The following LDLRAD4 variants were observed in gnomAD, a reference collection of about 807,000 sequenced individuals.
LDLRAD4 encodes the protein low density lipoprotein receptor class A domain containing 4, also known as low-density lipoprotein receptor class A domain-containing protein 4.
LDLRAD4 carries 5 observed loss-of-function variants against 17.0 expected under a neutral mutation model. That is an observed-to-expected ratio of 0.29 (90% CI 0.15 to 0.62). LDLRAD4 has a LOEUF of 0.62. Among genes scored for constraint, LDLRAD4 ranks in the 20% least tolerant of loss-of-function variants. The pLI is 0.84. For missense variants in LDLRAD4, 340 were observed against 424.7 expected, an observed-to-expected ratio of 0.80 and a Z score of 1.75; for synonymous variants, 168 against 171.8, an observed-to-expected ratio of 0.98 and a Z score of 0.17.
chr18:13,318,580 C>G (rs1156461163), intron 1 of LDLRAD4, among the ~76,000 whole-genome samples: 1 of 152,184 alleles, frequency 6.6e-6, no homozygotes, highest in South Asian at 2.1e-4. Context: ...AATAAATGCC[C>G]ATCCATAAGA....
intron 2 of LDLRAD4, among the ~76,000 whole-genome samples, chr18:13,422,222 C>T (rs956098432): frequency 1.6e-4 from 24 of 152,158 alleles, no homozygotes; most frequent in African/African-American, 5.8e-4. Context: ...TGGGCTTACA[C>T]TGTGGGAGGT....
At chr18:13,529,848 A>C (rs1287755228) in intron 3 of LDLRAD4, among the ~76,000 whole-genome samples, 1 of 152,182 alleles carries the variant, frequency 6.6e-6, no homozygotes, top group Non-Finnish European at 1.5e-5. Flanking sequence ...ACTGCTTTAG[A>C]GACTTCCATG....
intron 4 of LDLRAD4, among the ~76,000 whole-genome samples, chr18:13,635,027 A>T (rs201178533): frequency 6.6e-6 from 1 of 152,248 alleles, no homozygotes; most frequent in East Asian, 1.9e-4. Flanking sequence ...GGATAGCCAC[A>T]TGCAGAAGAG....
chr18:13,222,800 C>T (rs1049464842), intron 1 of LDLRAD4, among the ~76,000 whole-genome samples: 3 of 152,242 alleles, frequency 2.0e-5, no homozygotes, highest in African/African-American at 4.8e-5. Context: ...TCCACACTCC[C>T]GTTCTTCCTC....
chr18:13,326,679 G>T (rs1428470367), intron 1 of LDLRAD4, among the ~76,000 whole-genome samples: 1 of 152,154 alleles, frequency 6.6e-6, no homozygotes. Flanking sequence ...GATGCCTGAT[G>T]CTCCTAACAG....
At chr18:13,289,707 C>G (rs1011031717) in intron 1 of LDLRAD4, among the ~76,000 whole-genome samples, 3 of 152,188 alleles carry the variant, frequency 2.0e-5, no homozygotes, top group Admixed American at 6.5e-5. Flanking sequence ...GTGTCCAGTC[C>G]TGAGCCATTG....
chr18:13,449,275 C>T (rs1403758940), intron 3 of LDLRAD4, among the ~76,000 whole-genome samples: 1 of 152,108 alleles, frequency 6.6e-6, no homozygotes, highest in Non-Finnish European at 1.5e-5. Context: ...TGCCCTAGAC[C>T]CTTTGCTTGC....
chr18:13,301,012 C>T (rs2046564557), intron 1 of LDLRAD4, among the ~76,000 whole-genome samples: 1 of 152,214 alleles, frequency 6.6e-6, no homozygotes, highest in Non-Finnish European at 1.5e-5. Context: ...CCCTCAGCGG[C>T]CGCTGGAGTG....
intron 1 of LDLRAD4, among the ~76,000 whole-genome samples, chr18:13,237,722 A>G (rs1461699531): frequency 6.6e-6 from 1 of 152,202 alleles, no homozygotes; most frequent in African/African-American, 2.4e-5. Flanking sequence ...CTCTGGCCTC[A>G]GTTTCCCCAT....
rs1255465459 is a variant in LDLRAD4, at chr18:13,621,264, T to C, written c.329T>C (p.Leu110Pro). 4.3e-6 allele frequency: 7 copies of C among 1,612,014 alleles called. No homozygotes were observed. In the South Asian group the frequency reaches 7.7e-5, roughly 18 times the overall value. ...CAGAGCCGGAGGCGGGAGGACGGGC[T>C]GCCGCAGGTGAGTACCCTGGCCGCC... is the stretch of plus-strand genomic sequence containing the variant. Residue 110 changes from leucine to proline, a missense_variant, in exon 4 of 6, where the codon CTG becomes CCG. Physicochemically the swap from Leu to Pro is moderately conservative, Grantham distance 98 (BLOSUM62 -3). Transcript: ENST00000359446. This position sits in a 1 kb window ranked among gnomAD's most constrained non-coding sequence, Gnocchi z 5.5.
At chr18:13,333,573 A>T (rs1215492378) in intron 1 of LDLRAD4, among the ~76,000 whole-genome samples, 1 of 152,148 alleles carries the variant, frequency 6.6e-6, no homozygotes, top group Non-Finnish European at 1.5e-5. Context: ...TTTAGAGTTA[A>T]TTTTTGTGAA....
At chr18:13,391,514 G>A (rs1050688615) in intron 2 of LDLRAD4, among the ~76,000 whole-genome samples, 2 of 152,164 alleles carry the variant, frequency 1.3e-5, no homozygotes, top group African/African-American at 2.4e-5. Context: ...GATCTTAGGT[G>A]AATGCTTGCA....
intron 1 of LDLRAD4, among the ~76,000 whole-genome samples, chr18:13,385,460 T>C (rs2085725518): frequency 6.6e-6 from 1 of 152,200 alleles, no homozygotes; most frequent in Non-Finnish European, 1.5e-5. Context: ...TATTTCCTTA[T>C]GATAACCTGA....
intron 3 of LDLRAD4, among the ~76,000 whole-genome samples, chr18:13,452,059 A>G (rs1292639800): frequency 6.6e-6 from 1 of 152,220 alleles, no homozygotes; most frequent in African/African-American, 2.4e-5. Context: ...CCTCCCTTGC[A>G]GAGTAGGCAG....
At chr18:13,496,493 G>A (rs774124794) in intron 3 of LDLRAD4, among the ~76,000 whole-genome samples, 32 of 152,298 alleles carry the variant, frequency 2.1e-4, no homozygotes, top group South Asian at 8.3e-4. Flanking sequence ...TAAATCTTTC[G>A]TGTGGAAGTT....
chr18:13,537,404 C>G (rs553278126), intron 3 of LDLRAD4, among the ~76,000 whole-genome samples: 1 of 152,138 alleles, frequency 6.6e-6, no homozygotes, highest in African/African-American at 2.4e-5. Flanking sequence ...TGAAACTGTT[C>G]TACCTCAGAT....
chr18:13,482,625 C>T (rs979177403), intron 3 of LDLRAD4, among the ~76,000 whole-genome samples: 3 of 152,202 alleles, frequency 2.0e-5, no homozygotes, highest in Non-Finnish European at 4.4e-5. Flanking sequence ...CTGCAGGGGC[C>T]GCCTCTCTGA....
At chr18:13,540,222 G>T (rs1277177691) in intron 3 of LDLRAD4, among the ~76,000 whole-genome samples, 1 of 152,190 alleles carries the variant, frequency 6.6e-6, no homozygotes, top group Non-Finnish European at 1.5e-5. Context: ...AAAAAAACTA[G>T]CAAAAGATAT....
At chr18:13,480,001 G>A (rs543423833) in intron 3 of LDLRAD4, among the ~76,000 whole-genome samples, 4 of 152,230 alleles carry the variant, frequency 2.6e-5, no homozygotes, top group Non-Finnish European at 5.9e-5. Context: ...GAAACAGTTT[G>A]ACGGTGTCTT....
Sources: allele counts gnomAD v4.1 joint callset (sites outside exome capture counted in the v4.1 genomes callset), GRCh38; gene constraint gnomAD v4.1.1; non-coding constraint Gnocchi (gnomAD v3.1); transcripts MANE v1.5; gene names NCBI Gene and HGNC (gene_info 2026-07-23, HGNC 2026-07-21).